The following URB1 variants were observed in gnomAD, a reference collection of about 807,000 sequenced individuals.
URB1 encodes the protein nucleolar pre-ribosomal-associated protein 1.
Under a neutral mutation model 242.3 loss-of-function variants are expected in URB1, and 197 were observed. The ratio of observed to expected loss-of-function variants is 0.81; its 90% CI spans 0.72 to 0.91. The LOEUF (loss-of-function observed/expected upper bound fraction) is 0.91, where lower values mean the gene tolerates loss of function less well. Ranked by LOEUF, URB1 falls within the 40% of genes least tolerant of loss-of-function variation. The pLI, the probability that URB1 is intolerant of heterozygous loss-of-function variation, is 0.00. For missense variants in URB1, 2,721 were observed against 2,860.5 expected (o/e 0.95, Z 1.11); for synonymous variants, 1,153 against 1,201.8 (o/e 0.96, Z 0.84).
intron 24 of URB1, among the ~76,000 whole-genome samples, chr21:32,343,233 T>A (rs1471366990): frequency 6.6e-6 from 1 of 152,094 alleles, no homozygotes; most frequent in African/African-American, 2.4e-5. Context: ...ATACTTGCAA[T>A]GAGTATGTCT....
In URB1 at chr21:32,361,939, T is replaced by C. The variant is rs1255991238; in HGVS notation, c.1592A>G (p.Gln531Arg). The change falls in exon 12 of 39, where the codon CAG (glutamine) becomes CGG (arginine). Residue 531 changes from glutamine (Q) to arginine (R), a missense_variant. Transcript: ENST00000382751. ...AGCCGGGGGCCCATCGCTCCTTTTC[T>C]GCCCTTTCTTGTCATCCTGTTTGGT... ...QETKQDDKKG[Q>R]KRSDGPPAAC... 1 of 1,551,480 alleles carries C rather than the reference T, an allele frequency of 6.4e-7. No individual in the cohort carries two copies. Among genetic ancestry groups the C allele is most frequent in the East Asian group, 2.4e-5 (1 of 40,928 alleles).
intron 1 of URB1, among the ~76,000 whole-genome samples, chr21:32,390,057 A>G (rs974196997): frequency 6.6e-6 from 1 of 152,202 alleles, no homozygotes; most frequent in Admixed American, 6.5e-5. Flanking sequence ...AGAGGAGGAG[A>G]GAATCCAAGA....
At chr21:32,370,473 TCAA>T (rs1424677190) in intron 8 of URB1, among the ~76,000 whole-genome samples, 1 of 152,190 alleles carries the variant, frequency 6.6e-6, no homozygotes, top group Non-Finnish European at 1.5e-5. Context: ...TTTATTTTAA[TCAA>T]CAACGTAATA....
intron 36 of URB1, among the ~76,000 whole-genome samples, chr21:32,318,233 C>T (rs1465777398): frequency 2.6e-5 from 4 of 152,284 alleles, no homozygotes; most frequent in Non-Finnish European, 4.4e-5. Context: ...CCTGCGAGGG[C>T]TCCACTCCAG....
chr21:32,351,478 A>G (rs988404063), intron 19 of URB1, among the ~76,000 whole-genome samples: 2 of 152,204 alleles, frequency 1.3e-5, no homozygotes, highest in African/African-American at 2.4e-5. Flanking sequence ...TTATGTTGCT[A>G]TAATTCCATT....
chr21:32,334,258 GCTGCTGCCACA>G lies in URB1; in HGVS notation c.4751_4761del (p.Leu1584ProfsTer48). 1 of 1,551,534 alleles carries G rather than the reference GCTGCTGCCACA, an allele frequency of 6.4e-7. No homozygotes were observed. The highest frequency in any genetic ancestry group is 8.7e-7 in the Non-Finnish European group (1 of 1,146,962). On this transcript the variant is annotated frameshift_variant, in exon 29 of 39. Coordinates refer to ENST00000382751, the MANE Select transcript of URB1 (RefSeq NM_014825.3). LOFTEE classifies it high-confidence loss of function. ...AGGCGAAGGATGTCCCCGACACTCG[GCTGCTGCCACA>G]GTGACCTGCCCAGGCTCCGGCACGT...
chr21:32,382,383 T>G (rs2033536521), intron 4 of URB1, among the ~76,000 whole-genome samples: 1 of 152,164 alleles, frequency 6.6e-6, no homozygotes, highest in African/African-American at 2.4e-5. Flanking sequence ...TAAGAGACAT[T>G]AAGACCTGGA....
At position 32,325,256 on chromosome 21, in the gene URB1, C is replaced by A. The variant is rs991188467; in HGVS notation, c.5094G>T (p.Glu1698Asp). 2 of 1,551,686 alleles carry A rather than the reference C, an allele frequency of 1.3e-6. No individual in the cohort carries two copies. Among genetic ancestry groups the A allele is most frequent in the Non-Finnish European group, 1.7e-6 (2 of 1,146,962 alleles). The change falls in exon 31 of 39, where the codon GAG (glutamate) becomes GAT (aspartate). Residue 1698 changes from glutamate to aspartate, a missense_variant. Transcript: ENST00000382751. Reference protein sequence around the residue: ...HVLAAYYSHLEGARFQEQSQL... With the variant: ...HVLAAYYSHLDGARFQEQSQL... Reference sequence around the variant, plus strand: ...GGGACTGCTCTTGGAACCGTGCGCCCTCCAAGTGCGAGTAGTAGGCCGCCA... The same window carrying A: ...GGGACTGCTCTTGGAACCGTGCGCCATCCAAGTGCGAGTAGTAGGCCGCCA...
intron 8 of URB1, among the ~76,000 whole-genome samples, chr21:32,372,139 A>G (rs779987745): frequency 6.6e-6 from 1 of 152,220 alleles, no homozygotes; most frequent in Non-Finnish European, 1.5e-5. Context: ...CAAAGCTGGC[A>G]TAACAATGGT....
At chr21:32,357,468 A>T in intron 15 of URB1, 69 bp downstream of exon 15, 1 of 1,362,366 alleles carries the variant, frequency 7.3e-7, no homozygotes, top group South Asian at 2.1e-5. Context: ...ACTGTTAACT[A>T]AACACTTACC....
rs770645834 is a variant in URB1, at chr21:32,352,817, C to T, written c.2506G>A (p.Ala836Thr). The T allele has an allele frequency of 1.2e-4, 182 of 1,551,734 alleles. No homozygotes were observed. Among genetic ancestry groups the T allele is most frequent in the Middle Eastern group, 3.3e-4 (2 of 5,992 alleles). Residue 836 changes from alanine (A) to threonine (T), a missense_variant, in exon 19 of 39, where the codon GCA (alanine) becomes ACA (threonine). Physicochemically the swap from Ala to Thr is moderately conservative, Grantham distance 58. Coordinates refer to ENST00000382751, the MANE Select transcript of URB1 (RefSeq NM_014825.3). ...DPLALCLLLQ[A>T]YDKLEPPCLV... Reference sequence around the variant, plus strand: ...CATGGAGGCTCAAGCTTATCATATGCCTGGAGCAGGAGACACAGAGCCAGG... The same window carrying T: ...CATGGAGGCTCAAGCTTATCATATGTCTGGAGCAGGAGACACAGAGCCAGG...
At chr21:32,378,853 T>C (rs1463830028) in intron 4 of URB1, among the ~76,000 whole-genome samples, 1 of 152,258 alleles carries the variant, frequency 6.6e-6, no homozygotes, top group Non-Finnish European at 1.5e-5. Flanking sequence ...TTTTCGTTTC[T>C]TGGCCACTTT....
In URB1 at chr21:32,334,248, C is replaced by T. The variant is rs1228339199; in HGVS notation, c.4772G>A (p.Gly1591Glu). 8 of 1,551,460 alleles carry T rather than the reference C, an allele frequency of 5.2e-6. No individual in the cohort carries two copies. The highest frequency in any genetic ancestry group is 7.0e-6 in the Non-Finnish European group (8 of 1,146,984). ...CCGGTCCAGCAGGCGAAGGATGTCCCCGACACTCGGCTGCTGCCACAGTGA... is the reference window on the plus strand; with the variant it reads ...CCGGTCCAGCAGGCGAAGGATGTCCTCGACACTCGGCTGCTGCCACAGTGA... ...GRSLWQQPSV[G>E]DILRLLDRDR... is the part of the protein sequence containing the mutation. The change falls in exon 29 of 39, where the codon GGG (glycine) becomes GAG (glutamate). Residue 1591 changes from glycine (G) to glutamate (E), a missense_variant. Physicochemically the swap from Gly to Glu is moderately conservative, Grantham distance 98. Transcript: ENST00000382751.
Position 32,344,656 on chromosome 21 carries a change from T to G in URB1, c.4171A>C (p.Ile1391Leu). 1 of 1,552,340 alleles carries G rather than the reference T, an allele frequency of 6.4e-7. No individual in the cohort carries two copies. The highest frequency in any genetic ancestry group is 8.7e-7 in the Non-Finnish European group (1 of 1,147,138). ...TLLESCVKWL[I>L]VSFSGGQQDD... ...TGCTGTCCACCACTGAAAGACACGA[T>G]CAGCCACTTCACACAGGACTCCAAA... The change falls in exon 24 of 39, where the codon ATC becomes CTC. Residue 1391 changes from isoleucine (I) to leucine (L), a missense_variant. Coordinates refer to ENST00000382751, the MANE Select transcript of URB1 (RefSeq NM_014825.3).
intron 19 of URB1, among the ~76,000 whole-genome samples, chr21:32,351,332 G>A (rs1224649723): frequency 1.3e-5 from 2 of 152,166 alleles, no homozygotes; most frequent in African/African-American, 2.4e-5. Context: ...AGGAGCTGCG[G>A]GTCGAATATC....
At chr21:32,340,480 G>A (rs1344852154) in intron 25 of URB1, among the ~76,000 whole-genome samples, 4 of 152,178 alleles carry the variant, frequency 2.6e-5, no homozygotes, top group South Asian at 2.1e-4. Context: ...GAGCATGGTG[G>A]TGCGTGCCTG....
At chr21:32,325,420 A>G (rs1035907505) in intron 30 of URB1, 31 bp from the exon 31 acceptor site, 44 of 1,534,556 alleles carry the variant, frequency 2.9e-5, no homozygotes, top group Admixed American at 2.0e-4. Context: ...CATGAAACAC[A>G]CACAATATGA....
Position 32,368,536 on chromosome 21 carries a change from A to G in URB1, c.1064T>C (p.Leu355Pro). 6.4e-7 allele frequency: 1 copy of G among 1,551,770 alleles called. No homozygotes were observed. The highest frequency in any genetic ancestry group is 2.4e-5 in the East Asian group (1 of 40,922). ...LGLKTAADDD[L>P]VADLVVNILK... is the part of the protein sequence containing the mutation. ...GATGTTTACCACAAGGTCAGCCACC[A>G]GATCATCATCAGCTGCAGTTTTCAA... Residue 355 changes from leucine (L) to proline (P), a missense_variant, in exon 9 of 39, where the codon CTG (leucine) becomes CCG (proline). Transcript: ENST00000382751.
chr21:32,387,356 T>C (rs938679136), intron 1 of URB1, among the ~76,000 whole-genome samples: 2 of 152,162 alleles, frequency 1.3e-5, no homozygotes, highest in African/African-American at 4.8e-5. Context: ...GAGGTGGAAG[T>C]TGCAGTGAGT....
Sources: allele counts gnomAD v4.1 joint callset (sites outside exome capture counted in the v4.1 genomes callset), GRCh38; gene constraint gnomAD v4.1.1; transcripts MANE v1.5; gene names NCBI Gene and HGNC (gene_info 2026-07-23, HGNC 2026-07-21).